R3HDM1: variants seen among roughly 807,000 people sequenced by gnomAD.
The protein encoded by R3HDM1 is R3H domain containing 1, also known as R3H domain-containing protein 1.
R3HDM1 carries 46 observed loss-of-function variants against 141.1 expected under a neutral mutation model. The observed-to-expected ratio is 0.33, with a 90% CI of 0.26 to 0.42. R3HDM1 has a LOEUF of 0.42. R3HDM1 is among the 10% of genes least tolerant of loss of function. The pLI is 1.00. For synonymous variants in R3HDM1, 435 were observed against 472.9 expected (o/e 0.92, Z 1.04); for missense variants, 1,184 against 1,368.3 (o/e 0.87, Z 2.12).
At chr2:135,636,725 A>G (rs927263286) in intron 11 of R3HDM1, among the ~76,000 whole-genome samples, 1 of 151,924 alleles carries the variant, frequency 6.6e-6, no homozygotes, top group East Asian at 1.9e-4. Context: ...TTTTTTGTCA[A>G]CATCTACTAA....
At chr2:135,700,026 G>T (rs1473087697) in intron 21 of R3HDM1, among the ~76,000 whole-genome samples, 2 of 152,078 alleles carry the variant, frequency 1.3e-5, no homozygotes, top group African/African-American at 2.4e-5. Context: ...AATCAGTCGG[G>T]ATATTTAACA....
chr2:135,608,968 A>G (rs903197158), intron 3 of R3HDM1, among the ~76,000 whole-genome samples: 1 of 152,220 alleles, frequency 6.6e-6, no homozygotes, highest in African/African-American at 2.4e-5. Context: ...ATTCATTTAT[A>G]TAAAAAAACT....
intron 21 of R3HDM1, among the ~76,000 whole-genome samples, chr2:135,683,923 C>T (rs1194070705): frequency 2.0e-5 from 3 of 151,578 alleles, no homozygotes; most frequent in African/African-American, 7.3e-5. Flanking sequence ...GGCATGGTGG[C>T]CAGGTAACAG....
At chr2:135,622,292 A>G in intron 6 of R3HDM1, 1 of 984,674 alleles carries the variant, frequency 1.0e-6, no homozygotes, top group Non-Finnish European at 1.2e-6. Flanking sequence ...CTACAAATGT[A>G]GTTAATTATG....
intron 21 of R3HDM1, among the ~76,000 whole-genome samples, chr2:135,682,851 G>A (rs2070571659): frequency 6.6e-6 from 1 of 152,092 alleles, no homozygotes; most frequent in Non-Finnish European, 1.5e-5. Flanking sequence ...ACAAAAATTA[G>A]CCAGGCGTGG....
At chr2:135,573,858 G>T (rs1050956364) in intron 1 of R3HDM1, among the ~76,000 whole-genome samples, 3 of 152,110 alleles carry the variant, frequency 2.0e-5, no homozygotes, top group Admixed American at 6.5e-5. Context: ...TAGGAATCTT[G>T]TAAAACATCC....
chr2:135,613,291 A>G (rs2060710173), intron 3 of R3HDM1, among the ~76,000 whole-genome samples: 1 of 152,228 alleles, frequency 6.6e-6, no homozygotes, highest in African/African-American at 2.4e-5. Flanking sequence ...GGTTGTCAGT[A>G]AAGGCCACTC....
intron 7 of R3HDM1, among the ~76,000 whole-genome samples, chr2:135,631,391 C>T (rs1432481616): frequency 6.7e-6 from 1 of 150,336 alleles, no homozygotes; most frequent in Non-Finnish European, 1.5e-5. Context: ...TAAGTTCCTT[C>T]GTTGTGTGTA....
intron 21 of R3HDM1, 26 bp from the exon 22 acceptor site, chr2:135,709,407 A>G (rs1215095563): frequency 1.2e-6 from 2 of 1,613,122 alleles, no homozygotes; most frequent in East Asian, 2.2e-5. Flanking sequence ...TCCTCTCATT[A>G]TGCTGTTTTT....
intron 1 of R3HDM1, among the ~76,000 whole-genome samples, chr2:135,594,521 G>A (rs1035362340): frequency 5.1e-4 from 78 of 152,076 alleles, no homozygotes; most frequent in Admixed American, 4.8e-3. Flanking sequence ...CTGAATGTTC[G>A]TGTTGGCCTT....
intron 26 of R3HDM1, 129 bp from the exon 27 acceptor site, chr2:135,723,807 AT>A: frequency 6.0e-6 from 2 of 332,530 alleles, no homozygotes; most frequent in Non-Finnish European, 5.7e-6. Flanking sequence ...AAAAAAAAAG[AT>A]GGCCCTAACA....
At chr2:135,684,040 T>G (rs1023606982) in intron 21 of R3HDM1, among the ~76,000 whole-genome samples, 1 of 151,922 alleles carries the variant, frequency 6.6e-6, no homozygotes, top group African/African-American at 2.4e-5. Flanking sequence ...GAGTCAGAGC[T>G]TGGTAAATCT....
chr2:135,638,867 C>T (rs1459382018), intron 13 of R3HDM1, 29 bp from the exon 14 acceptor site: 3 of 1,612,102 alleles, frequency 1.9e-6, no homozygotes, highest in Admixed American at 1.7e-5. Context: ...CCTGCATTAG[C>T]TTTTCAAGGT....
chr2:135,531,875 G>GGCTGCGGCTCCGGCTGCA (rs1484348104), intron 1 of R3HDM1, among the ~76,000 whole-genome samples: 31 of 152,316 alleles, frequency 2.0e-4, no homozygotes, highest in Admixed American at 1.2e-3. Context: ...CCTGGCCCGC[G>GGCTGCGGCTCCGGCTGCA]GCTGCGGCTC....
At chr2:135,699,231 C>G (rs896073819) in intron 21 of R3HDM1, among the ~76,000 whole-genome samples, 6 of 152,036 alleles carry the variant, frequency 3.9e-5, no homozygotes, top group African/African-American at 1.5e-4. Context: ...ATAGAGACAG[C>G]CTTTGAAGAG....
At chr2:135,610,043 TA>T (rs897672824) in intron 3 of R3HDM1, among the ~76,000 whole-genome samples, 56 of 147,508 alleles carry the variant, frequency 3.8e-4, no homozygotes, top group Admixed American at 5.4e-4. Context: ...GACCCTGTCT[TA>T]AAAAAAAAAA....
At chr2:135,560,068 A>G (rs571481947) in intron 1 of R3HDM1, among the ~76,000 whole-genome samples, 117 of 152,334 alleles carry the variant, frequency 7.7e-4, no homozygotes, top group Middle Eastern at 6.8e-3. Flanking sequence ...CAGTGATGGC[A>G]TGGAAATCAC....
intron 1 of R3HDM1, among the ~76,000 whole-genome samples, chr2:135,570,975 C>T (rs1048950327): frequency 6.6e-6 from 1 of 152,222 alleles, no homozygotes; most frequent in Admixed American, 6.5e-5. Context: ...TTTGACCCCT[C>T]AGAAAAGTCA....
chr2:135,561,936 C>A lies in R3HDM1; in HGVS notation c.-250+30303C>A, dbSNP rs150642245. Among the ~76,000 whole-genome samples the A allele has an allele frequency of 1.1e-4, 17 of 152,226 alleles. No homozygotes were observed. In the East Asian group the frequency reaches 3.3e-3, roughly 29 times the overall value. On this transcript the variant is annotated intron_variant, in intron 1 of 26. Coordinates refer to ENST00000683871, the MANE Select transcript of R3HDM1 (RefSeq NM_001378107.1). ...TTTGTTTATGGCAAATATTTCTCTC[C>A]TGTACTGTGAATGAGTCCAGCCATC...
Sources: allele counts gnomAD v4.1 joint callset (sites outside exome capture counted in the v4.1 genomes callset), GRCh38; gene constraint gnomAD v4.1.1; transcripts MANE v1.5; gene names NCBI Gene and HGNC (gene_info 2026-07-23, HGNC 2026-07-21).